ATXN1: variants seen among roughly 807,000 people sequenced by gnomAD.
ATXN1 encodes ataxin 1.
Under a neutral mutation model 56.4 loss-of-function variants are expected in ATXN1, and 8 were observed. That is an observed-to-expected ratio of 0.14 (90% CI 0.08 to 0.26). The LOEUF (loss-of-function observed/expected upper bound fraction) is 0.26, where lower values mean the gene tolerates loss of function less well. ATXN1 is among the 10% of genes least tolerant of loss of function. The pLI is 1.00. For missense variants in ATXN1, 987 were observed against 1,106.5 expected (o/e 0.89, Z 1.53); for synonymous variants, 514 against 494.6 (o/e 1.04, Z -0.52).
At chr6:16,535,655 A>G (rs903449734) in intron 4 of ATXN1, among the ~76,000 whole-genome samples, 13 of 152,214 alleles carry the variant, frequency 8.5e-5, no homozygotes, top group Admixed American at 8.5e-4. Flanking sequence ...TGCCCTTGTA[A>G]AGGTAGAGCG....
chr6:16,516,108 T>C (rs1761178990), intron 5 of ATXN1, among the ~76,000 whole-genome samples: 1 of 152,252 alleles, frequency 6.6e-6, no homozygotes, highest in African/African-American at 2.4e-5. Context: ...AATTTGCCCG[T>C]GTCCTTATGA....
At chr6:16,402,300 G>A (rs1215577446) in intron 6 of ATXN1, among the ~76,000 whole-genome samples, 2 of 87,812 alleles carry the variant, frequency 2.3e-5, no homozygotes, top group African/African-American at 9.1e-5. Context: ...TCTAATGCTT[G>A]GTCATTAATT....
intron 3 of ATXN1, among the ~76,000 whole-genome samples, chr6:16,599,830 A>T (rs142368830): frequency 1.4e-3 from 220 of 152,326 alleles, no homozygotes; most frequent in African/African-American, 4.9e-3. Flanking sequence ...ACATGTCAAG[A>T]CATCAGCCCT....
intron 6 of ATXN1, among the ~76,000 whole-genome samples, chr6:16,348,470 G>A (rs931357551): frequency 3.9e-5 from 6 of 152,092 alleles, no homozygotes; most frequent in Non-Finnish European, 8.8e-5. Context: ...GGCCGAGGGG[G>A]GGCAGATCAT....
intron 5 of ATXN1, among the ~76,000 whole-genome samples, chr6:16,491,036 A>G (rs1760647938): frequency 6.6e-6 from 1 of 150,690 alleles, no homozygotes; most frequent in South Asian, 2.1e-4. Flanking sequence ...CTGAGTCCTG[A>G]TGACAGTAAA....
intron 3 of ATXN1, among the ~76,000 whole-genome samples, chr6:16,647,911 A>C (rs995360366): frequency 1.3e-5 from 2 of 152,106 alleles, no homozygotes; most frequent in African/African-American, 4.8e-5. Flanking sequence ...CCCCCTCTCT[A>C]CTAAAAATAC....
At chr6:16,687,653 G>T (rs1283289922) in intron 2 of ATXN1, among the ~76,000 whole-genome samples, 3 of 59,908 alleles carry the variant, frequency 5.0e-5, no homozygotes, top group African/African-American at 2.6e-4. Context: ...AATCAAAGAA[G>T]AAATACACAC....
In ATXN1 at chr6:16,468,173, T is replaced by G. The variant is rs190549695; in HGVS notation, c.-161+17799A>C. On this transcript the variant is annotated intron_variant, in intron 6 of 7. Transcript: ENST00000436367. ...AATTTGGTTTAGGACTGGTTTTTATTATTATTTTTATTTTTATTTTATTTT... is the reference window on the plus strand; with the variant it reads ...AATTTGGTTTAGGACTGGTTTTTATGATTATTTTTATTTTTATTTTATTTT... Among the ~76,000 whole-genome samples, 150 of 152,216 alleles carry G rather than the reference T, an allele frequency of 9.9e-4. No individual in the cohort carries two copies. In the South Asian group the frequency reaches 0.014, roughly 14 times the overall value.
intron 3 of ATXN1, among the ~76,000 whole-genome samples, chr6:16,591,261 C>T (rs1173814782): frequency 6.6e-6 from 1 of 152,044 alleles, no homozygotes; most frequent in South Asian, 2.1e-4. Context: ...CCAGCTGTAA[C>T]CTATTCATTT....
intron 2 of ATXN1, among the ~76,000 whole-genome samples, chr6:16,664,842 C>A (rs1758393130): frequency 6.6e-6 from 1 of 151,910 alleles, no homozygotes; most frequent in Non-Finnish European, 1.5e-5. Context: ...TATTTAACAA[C>A]TATTATACCA....
In ATXN1 at chr6:16,326,324, G is replaced by T; in HGVS notation, c.1917+70C>A. 1 of 1,581,394 alleles carries T rather than the reference G, an allele frequency of 6.3e-7. No individual in the cohort carries two copies. Among genetic ancestry groups the T allele is most frequent in the Non-Finnish European group, 8.6e-7 (1 of 1,164,362 alleles). On this transcript the variant is annotated intron_variant, in intron 7 of 7. Transcript: ENST00000436367. This position sits in a 1 kb window ranked among gnomAD's most constrained non-coding sequence, Gnocchi z 6.6. Reference sequence around the variant, plus strand: ...TAATCCTGCCTCATAGAAGCAATTCGTCTTGCCAGGAGATGATGATGGCAT... The same window carrying T: ...TAATCCTGCCTCATAGAAGCAATTCTTCTTGCCAGGAGATGATGATGGCAT...
intron 5 of ATXN1, among the ~76,000 whole-genome samples, chr6:16,508,100 G>A (rs1225279960): frequency 6.6e-6 from 1 of 152,098 alleles, no homozygotes; most frequent in Non-Finnish European, 1.5e-5. Context: ...CTCAACAAAT[G>A]TAACCAACGA....
intron 4 of ATXN1, among the ~76,000 whole-genome samples, chr6:16,568,724 T>A (rs916300799): frequency 6.6e-6 from 1 of 152,228 alleles, no homozygotes; most frequent in East Asian, 1.9e-4. Context: ...AAATGCTTCA[T>A]CCCAGCCCAT....
intron 2 of ATXN1, among the ~76,000 whole-genome samples, chr6:16,682,189 G>T (rs1369209543): frequency 7.8e-6 from 1 of 128,176 alleles, no homozygotes; most frequent in Non-Finnish European, 1.6e-5. Flanking sequence ...TTCAGTAGAG[G>T]CCACTGGGGA....
intron 3 of ATXN1, among the ~76,000 whole-genome samples, chr6:16,640,777 T>C (rs2113820605): frequency 6.6e-6 from 1 of 152,150 alleles, no homozygotes; most frequent in East Asian, 1.9e-4. Context: ...GTGAGTCACA[T>C]ACCTCTCAAT....
chr6:16,543,590 T>C (rs980551936), intron 4 of ATXN1, among the ~76,000 whole-genome samples: 80 of 150,420 alleles, frequency 5.3e-4, no homozygotes, highest in African/African-American at 1.9e-3. Flanking sequence ...TCAGTAATTC[T>C]GTTTGCATGT....
intron 2 of ATXN1, among the ~76,000 whole-genome samples, chr6:16,663,476 A>G (rs1012440766): frequency 6.6e-6 from 1 of 152,080 alleles, no homozygotes; most frequent in African/African-American, 2.4e-5. Flanking sequence ...TGTGGCATAG[A>G]CATGTGAAAT....
intron 2 of ATXN1, among the ~76,000 whole-genome samples, chr6:16,661,127 G>A (rs563024126): frequency 1.6e-4 from 24 of 151,964 alleles, no homozygotes; most frequent in East Asian, 9.7e-4. Context: ...GTGAGCCACC[G>A]CACCTGGCCC....
At chr6:16,529,321 T>G (rs1761456869) in intron 4 of ATXN1, among the ~76,000 whole-genome samples, 2 of 151,860 alleles carry the variant, frequency 1.3e-5, no homozygotes, top group Non-Finnish European at 2.9e-5. Flanking sequence ...GCAAGCGTTC[T>G]TCAGGCAGCA....
Sources: allele counts gnomAD v4.1 joint callset (sites outside exome capture counted in the v4.1 genomes callset), GRCh38; gene constraint gnomAD v4.1.1; non-coding constraint Gnocchi (gnomAD v3.1); transcripts MANE v1.5; gene names NCBI Gene and HGNC (gene_info 2026-07-23, HGNC 2026-07-21).